The following GRM8 variants were observed in gnomAD, a reference collection of about 807,000 sequenced individuals.
GRM8 encodes metabotropic glutamate receptor 8.
GRM8 carries 47 observed loss-of-function variants against 87.2 expected under a neutral mutation model. That is an observed-to-expected ratio of 0.54 (90% CI 0.43 to 0.69). The LOEUF is 0.69. GRM8 is among the 30% of genes least tolerant of loss of function. The pLI, the probability that GRM8 is intolerant of heterozygous loss-of-function variation, is 0.00. For missense variants in GRM8, 1,019 were observed against 1,139.2 expected (o/e 0.89, Z 1.52); for synonymous variants, 396 against 404.5 (o/e 0.98, Z 0.25).
chr7:126,630,233 C>T (rs190734365), intron 7 of GRM8, among the ~76,000 whole-genome samples: 123 of 152,036 alleles, frequency 8.1e-4, no homozygotes, highest in African/African-American at 2.8e-3. Flanking sequence ...TCATAGAGTG[C>T]TATTTAACAG....
intron 7 of GRM8, among the ~76,000 whole-genome samples, chr7:126,625,170 G>A (rs368848808): frequency 2.0e-5 from 3 of 151,996 alleles, no homozygotes; most frequent in African/African-American, 7.3e-5. Flanking sequence ...AGTGTAGAGT[G>A]AGTATCAGAC....
At chr7:127,080,222 G>A (rs1024525923) in intron 3 of GRM8, among the ~76,000 whole-genome samples, 3 of 152,148 alleles carry the variant, frequency 2.0e-5, no homozygotes, top group African/African-American at 7.2e-5. Flanking sequence ...GATCATTGCT[G>A]GCTTTGAAGA....
intron 8 of GRM8, among the ~76,000 whole-genome samples, chr7:126,539,570 C>T (rs1247491387): frequency 2.0e-5 from 3 of 151,940 alleles, no homozygotes; most frequent in Admixed American, 6.6e-5. Context: ...ATCAAGACAA[C>T]ATAGTACAGG....
chr7:127,124,741 C>T (rs1308443886), intron 2 of GRM8, among the ~76,000 whole-genome samples: 1 of 152,086 alleles, frequency 6.6e-6, no homozygotes, highest in Non-Finnish European at 1.5e-5. Context: ...CACAGACTTG[C>T]GCTTCTGGCC....
chr7:126,775,479 GT>G (rs372733476), intron 6 of GRM8, among the ~76,000 whole-genome samples: 2,438 of 104,588 alleles, frequency 0.023, 52 homozygotes, highest in African/African-American at 0.086. Flanking sequence ...TGACAAATAG[GT>G]TTTTTTTTTT....
At chr7:126,500,197 C>T (rs1026630864) in intron 9 of GRM8, among the ~76,000 whole-genome samples, 6 of 151,898 alleles carry the variant, frequency 4.0e-5, no homozygotes, top group Non-Finnish European at 8.8e-5. Context: ...AAATTTTGTG[C>T]CCTTTCATCA....
intron 2 of GRM8, among the ~76,000 whole-genome samples, chr7:127,185,009 G>A (rs1019030189): frequency 5.9e-5 from 9 of 151,978 alleles, no homozygotes; most frequent in Non-Finnish European, 8.8e-5. Context: ...TTCAAGGATA[G>A]GAAGACTCAA....
chr7:126,788,197 G>A (rs1304514893), intron 6 of GRM8, among the ~76,000 whole-genome samples: 1 of 151,664 alleles, frequency 6.6e-6, no homozygotes, highest in Non-Finnish European at 1.5e-5. Context: ...ATTACCTGAG[G>A]TCAGGATTTT....
intron 8 of GRM8, among the ~76,000 whole-genome samples, chr7:126,537,544 A>T (rs2150880192): frequency 6.6e-6 from 1 of 152,298 alleles, no homozygotes; most frequent in East Asian, 1.9e-4. Flanking sequence ...TGGGAGGCCA[A>T]GGCAGGCGGA....
At chr7:126,819,207 T>C (rs1454877882) in intron 6 of GRM8, among the ~76,000 whole-genome samples, 1 of 151,846 alleles carries the variant, frequency 6.6e-6, no homozygotes, top group Non-Finnish European at 1.5e-5. Flanking sequence ...AGTTTCACCA[T>C]AGTTTATCAT....
At chr7:126,599,164 G>C (rs1368066669) in intron 8 of GRM8, among the ~76,000 whole-genome samples, 1 of 152,090 alleles carries the variant, frequency 6.6e-6, no homozygotes, top group Non-Finnish European at 1.5e-5. Flanking sequence ...AAGAATAAAA[G>C]CCAGTGGTAA....
At chr7:126,631,950 C>T (rs1801318010) in intron 7 of GRM8, among the ~76,000 whole-genome samples, 1 of 152,052 alleles carries the variant, frequency 6.6e-6, no homozygotes, top group Non-Finnish European at 1.5e-5. Context: ...CTAGGCAATA[C>T]CATTCAGGAC....
intron 9 of GRM8, among the ~76,000 whole-genome samples, chr7:126,517,194 T>G (rs976432839): frequency 6.6e-6 from 1 of 152,026 alleles, no homozygotes; most frequent in Non-Finnish European, 1.5e-5. Flanking sequence ...CAGATTTACA[T>G]AACAAGAATA....
intron 7 of GRM8, among the ~76,000 whole-genome samples, chr7:126,628,485 TC>T (rs1800919714): frequency 1.3e-5 from 2 of 152,214 alleles, no homozygotes; most frequent in African/African-American, 4.8e-5. Flanking sequence ...TATGGTAAAT[TC>T]ATACAATGGA....
At chr7:127,069,860 C>A (rs564695612) in intron 3 of GRM8, among the ~76,000 whole-genome samples, 1 of 152,306 alleles carries the variant, frequency 6.6e-6, no homozygotes, top group East Asian at 1.9e-4. Context: ...CTATAACCCA[C>A]AACTGGCAGG....
At chr7:127,077,151 T>C (rs933808166) in intron 3 of GRM8, among the ~76,000 whole-genome samples, 2 of 152,170 alleles carry the variant, frequency 1.3e-5, no homozygotes, top group African/African-American at 2.4e-5. Context: ...TGAGTATGTG[T>C]CTGTATCTGT....
chr7:127,087,672 T>A (rs1037563081), intron 3 of GRM8, among the ~76,000 whole-genome samples: 14 of 152,220 alleles, frequency 9.2e-5, no homozygotes, highest in African/African-American at 3.4e-4. Flanking sequence ...GCTCTAGATA[T>A]CTGCTGTACA....
chr7:127,248,984 C>G (rs1762309229), intron 1 of GRM8, among the ~76,000 whole-genome samples: 1 of 152,208 alleles, frequency 6.6e-6, no homozygotes, highest in Non-Finnish European at 1.5e-5. Flanking sequence ...AAAGTGGTGA[C>G]AAGATAATCT....
In GRM8 at chr7:126,959,640, T is replaced by G. The variant is rs1809102768; in HGVS notation, c.728-54957A>C. 2.0e-5 allele frequency among the ~76,000 whole-genome samples: 3 copies of G among 152,182 alleles called. No individual in the cohort carries two copies. In the South Asian group the frequency reaches 6.2e-4, roughly 32 times the overall value. On this transcript the variant is annotated intron_variant, in intron 3 of 10. Coordinates refer to ENST00000339582, the MANE Select transcript of GRM8 (RefSeq NM_000845.3). ...AAATCTAAAACTCACCTGCAAAAAT[T>G]TGCTTACCAATTATTACTTAATTAT...
Sources: allele counts gnomAD v4.1 joint callset (sites outside exome capture counted in the v4.1 genomes callset), GRCh38; gene constraint gnomAD v4.1.1; transcripts MANE v1.5; gene names NCBI Gene and HGNC (gene_info 2026-07-23, HGNC 2026-07-21).